The following PCDH11X variants were observed in gnomAD, a reference collection of about 807,000 sequenced individuals.
The protein encoded by PCDH11X is protocadherin 11 X-linked.
A neutral mutation model predicts 53.3 loss-of-function variants in PCDH11X; 18 were observed. The ratio of observed to expected loss-of-function variants is 0.34; its 90% CI spans 0.23 to 0.50. PCDH11X has a LOEUF of 0.50. Ranked by LOEUF, PCDH11X falls within the 20% of genes least tolerant of loss-of-function variation. The pLI is 0.98. For synonymous variants in PCDH11X, 279 were observed against 393.3 expected (o/e 0.71, Z 3.44); for missense variants, 570 against 1,032.4 (o/e 0.55, Z 6.14).
chrX:91,962,643 C>A (rs1471135544), intron 6 of PCDH11X, among the ~76,000 whole-genome samples: 2 of 111,325 alleles, frequency 1.8e-5, no homozygotes, highest in African/African-American at 3.3e-5. Flanking sequence ...TAGGCAATAC[C>A]CCAGTGGAGA....
At chrX:91,792,114 A>G (rs1457520707) in intron 1 of PCDH11X, among the ~76,000 whole-genome samples, 2 of 108,986 alleles carry the variant, frequency 1.8e-5, no homozygotes, top group Non-Finnish European at 3.8e-5. Context: ...CTCCCAAAGT[A>G]CTGGGATTAC....
At chrX:92,228,633 A>C (rs1377943189) in intron 7 of PCDH11X, among the ~76,000 whole-genome samples, 1 of 107,348 alleles carries the variant, frequency 9.3e-6, no homozygotes, top group African/African-American at 3.3e-5. Context: ...AATGTAGATG[A>C]TACTACCATA....
At chrX:91,958,151 A>T (rs1199751311) in intron 6 of PCDH11X, among the ~76,000 whole-genome samples, 4 of 111,453 alleles carry the variant, frequency 3.6e-5, no homozygotes, top group African/African-American at 1.3e-4. Flanking sequence ...CTACCAAACC[A>T]CAGAGATGGT....
At chrX:92,101,851 G>A in intron 6 of PCDH11X, among the ~76,000 whole-genome samples, 1 of 110,937 alleles carries the variant, frequency 9.0e-6, no homozygotes, top group Admixed American at 9.6e-5. Flanking sequence ...ATAGCAGATG[G>A]AACACTGGGA....
At chrX:92,317,561 A>G (rs753478979) in intron 8 of PCDH11X, among the ~76,000 whole-genome samples, 1 of 111,728 alleles carries the variant, frequency 9.0e-6, no homozygotes, top group East Asian at 2.8e-4. Context: ...TATCTCAACT[A>G]TTTCTCAGTT....
intron 10 of PCDH11X, among the ~76,000 whole-genome samples, chrX:92,483,552 A>G (rs1443843500): frequency 1.3e-5 from 1 of 77,561 alleles, no homozygotes. Context: ...TGATGCATTT[A>G]AATAATTTTG....
chrX:92,528,504 G>A (rs1335524747), intron 10 of PCDH11X, among the ~76,000 whole-genome samples: 2 of 110,783 alleles, frequency 1.8e-5, no homozygotes, highest in African/African-American at 3.3e-5. Context: ...TGTTGGTCAC[G>A]CTGGTCTCGA....
intron 9 of PCDH11X, among the ~76,000 whole-genome samples, chrX:92,406,030 G>C (rs1460649070): frequency 2.0e-5 from 2 of 97,671 alleles, no homozygotes; most frequent in African/African-American, 7.7e-5. Context: ...AGGAGGCGGA[G>C]CTTGCAGTGA....
intron 6 of PCDH11X, among the ~76,000 whole-genome samples, chrX:92,002,950 G>A (rs1224084657): frequency 1.0e-5 from 1 of 97,310 alleles, no homozygotes; most frequent in African/African-American, 3.7e-5. Context: ...GTGGCAGTGG[G>A]CATTCCTGTC....
chrX:92,199,185 T>A (rs949326495), intron 6 of PCDH11X, among the ~76,000 whole-genome samples: 1 of 111,787 alleles, frequency 8.9e-6, no homozygotes, highest in African/African-American at 3.2e-5. Flanking sequence ...AATAATAAGA[T>A]CCAATATCTA....
intron 6 of PCDH11X, among the ~76,000 whole-genome samples, chrX:92,050,524 C>T (rs1456550066): frequency 9.5e-6 from 1 of 105,224 alleles, no homozygotes; most frequent in African/African-American, 3.5e-5. Flanking sequence ...CAAAGTCTTA[C>T]ACTTTGACAC....
At chrX:92,221,804 C>T (rs2066884890) in intron 7 of PCDH11X, among the ~76,000 whole-genome samples, 1 of 110,063 alleles carries the variant, frequency 9.1e-6, no homozygotes, top group East Asian at 2.9e-4. Context: ...TTGTTGACTT[C>T]CAGCATAATT....
chrX:91,912,353 C>A (rs2032360451), intron 6 of PCDH11X, among the ~76,000 whole-genome samples: 2 of 111,242 alleles, frequency 1.8e-5, no homozygotes, highest in South Asian at 7.5e-4. Context: ...TGTCCTATTT[C>A]TGATCTTAGA....
At chrX:92,163,875 C>G (rs1474473360) in intron 6 of PCDH11X, among the ~76,000 whole-genome samples, 10 of 111,569 alleles carry the variant, frequency 9.0e-5, no homozygotes, top group Non-Finnish European at 1.9e-5. Flanking sequence ...TCTTCTCTCT[C>G]TGCACCAGGG....
chrX:92,171,442 G>A (rs776164339), intron 6 of PCDH11X, among the ~76,000 whole-genome samples: 12 of 110,925 alleles, frequency 1.1e-4, no homozygotes, highest in South Asian at 3.8e-4. Context: ...CAGCTTAAGC[G>A]TATCAATTTC....
intron 8 of PCDH11X, among the ~76,000 whole-genome samples, chrX:92,283,566 T>A (rs1488522228): frequency 8.9e-6 from 1 of 111,955 alleles, no homozygotes; most frequent in African/African-American, 3.2e-5. Flanking sequence ...TGTTTAGGTT[T>A]CTAATGTCTG....
chrX:92,505,217 CTTT>C (rs35567791), intron 10 of PCDH11X, among the ~76,000 whole-genome samples: 9 of 39,774 alleles, frequency 2.3e-4, no homozygotes, highest in Non-Finnish European at 3.8e-4. Flanking sequence ...TCACACTTGT[CTTT>C]TTTTTTTTTT....
chrX:92,443,678 A>T lies in PCDH11X; in HGVS notation c.3344-24621A>T, dbSNP rs760534670. 1.1e-3 allele frequency among the ~76,000 whole-genome samples: 127 copies of T among 110,661 alleles called. 1 individual carries two copies. Among genetic ancestry groups the T allele is most frequent in the Non-Finnish European group, 7.8e-4 (41 of 52,775 alleles). ...TAGAGGTTTTACATTTAAACCTTCA[A>T]CTTATCTTGAGTTAATTTTTGTATG... On this transcript the variant is annotated intron_variant, in intron 9 of 10. Coordinates refer to ENST00000682573, the MANE Select transcript of PCDH11X (RefSeq NM_032968.5).
chrX:91,930,576 TG>T (rs1186295293), intron 6 of PCDH11X, among the ~76,000 whole-genome samples: 5 of 86,269 alleles, frequency 5.8e-5, no homozygotes, highest in Non-Finnish European at 9.2e-5. Flanking sequence ...ATATTATTTT[TG>T]TTTCTTTCTC....
Sources: gnomAD v4.1 joint callset for allele counts (sites outside exome capture counted in the v4.1 genomes callset) on GRCh38, gnomAD v4.1.1 for gene constraint, MANE v1.5 for transcripts, NCBI Gene and HGNC (gene_info 2026-07-23, HGNC 2026-07-21) for gene names.